The following STX18 variants were observed in gnomAD, a reference collection of about 807,000 sequenced individuals.
STX18 encodes syntaxin-18.
In STX18, 40 loss-of-function variants were observed where a neutral mutation model predicts 50.1. The ratio of observed to expected loss-of-function variants is 0.80; its 90% CI spans 0.62 to 1.04. The LOEUF (loss-of-function observed/expected upper bound fraction) is 1.04. STX18 is among the 50% of genes least tolerant of loss of function. STX18 has a pLI of 0.00. For missense variants in STX18, 410 were observed against 415.8 expected (o/e 0.99, Z 0.12); for synonymous variants, 158 against 151.8 (o/e 1.04, Z -0.30).
At chr4:4,481,860 C>T (rs1323016188) in intron 1 of STX18, among the ~76,000 whole-genome samples, 1 of 152,230 alleles carries the variant, frequency 6.6e-6, no homozygotes, top group Non-Finnish European at 1.5e-5. Context: ...CTCAGGACCA[C>T]AGCAGCGAGT....
chr4:4,470,786 T>C (rs1245489227), intron 2 of STX18, among the ~76,000 whole-genome samples: 1 of 152,120 alleles, frequency 6.6e-6, no homozygotes, highest in African/African-American at 2.4e-5. Context: ...TAAGGAAGGC[T>C]GGCATGGCTG....
intron 5 of STX18, among the ~76,000 whole-genome samples, chr4:4,449,431 G>C (rs867926249): frequency 3.9e-5 from 6 of 152,056 alleles, no homozygotes; most frequent in Admixed American, 2.0e-4. Flanking sequence ...CTCCTAACTA[G>C]TACTTCTCTT....
At chr4:4,432,071 T>G (rs1045705466) in intron 7 of STX18, among the ~76,000 whole-genome samples, 1 of 152,224 alleles carries the variant, frequency 6.6e-6, no homozygotes, top group Non-Finnish European at 1.5e-5. Context: ...TTAAGGTGTT[T>G]GAGTCATTTT....
intron 1 of STX18, among the ~76,000 whole-genome samples, chr4:4,475,766 T>C (rs183217170): frequency 6.6e-6 from 1 of 152,298 alleles, no homozygotes; most frequent in East Asian, 1.9e-4. Flanking sequence ...AGAGGTTAAG[T>C]AGTTGTATGC....
chr4:4,502,573 G>C (rs1249241148), intron 1 of STX18, among the ~76,000 whole-genome samples: 1 of 151,884 alleles, frequency 6.6e-6, no homozygotes, highest in Non-Finnish European at 1.5e-5. Context: ...TTCATTATCA[G>C]TGAAAAAAAA....
intron 1 of STX18, among the ~76,000 whole-genome samples, chr4:4,534,003 A>G (rs1220745435): frequency 6.6e-6 from 1 of 152,226 alleles, no homozygotes; most frequent in Non-Finnish European, 1.5e-5. Flanking sequence ...CACACGGGCC[A>G]TCCTAAGTTT....
chr4:4,529,128 C>T (rs184591761), intron 1 of STX18, among the ~76,000 whole-genome samples: 1 of 152,150 alleles, frequency 6.6e-6, no homozygotes, highest in Non-Finnish European at 1.5e-5. Flanking sequence ...CTTTCGGAGG[C>T]TGAGACGGGC....
chr4:4,425,046 G>A (rs1209247635), intron 8 of STX18, 118 bp downstream of exon 8: 4 of 891,328 alleles, frequency 4.5e-6, no homozygotes, highest in Non-Finnish European at 7.3e-6. Context: ...TGGCTGAGGG[G>A]GGCTGCACCA....
At chr4:4,539,101 C>T (rs2108935211) in intron 1 of STX18, among the ~76,000 whole-genome samples, 1 of 152,234 alleles carries the variant, frequency 6.6e-6, no homozygotes, top group East Asian at 1.9e-4. Flanking sequence ...TTTTATTCAA[C>T]TTAATATAAC....
At chr4:4,465,228 A>C (rs1727563681) in intron 2 of STX18, among the ~76,000 whole-genome samples, 1 of 152,312 alleles carries the variant, frequency 6.6e-6, no homozygotes, top group East Asian at 1.9e-4. Context: ...CATTTGACCC[A>C]GCAATCCCAT....
intron 1 of STX18, among the ~76,000 whole-genome samples, chr4:4,516,137 A>G (rs1422061128): frequency 6.6e-6 from 1 of 152,238 alleles, no homozygotes; most frequent in Non-Finnish European, 1.5e-5. Context: ...GTCTGCTCCA[A>G]GTTTGAAAAG....
At chr4:4,429,198 C>G (rs998381327) in intron 7 of STX18, among the ~76,000 whole-genome samples, 18 of 152,264 alleles carry the variant, frequency 1.2e-4, no homozygotes, top group African/African-American at 4.3e-4. Context: ...TGAACATATG[C>G]TGAAGGGCTC....
At chr4:4,463,854 A>C (rs1727498301) in intron 2 of STX18, among the ~76,000 whole-genome samples, 1 of 152,360 alleles carries the variant, frequency 6.6e-6, no homozygotes, top group Non-Finnish European at 1.5e-5. Context: ...TAATTATTTT[A>C]GTATATTCCA....
intron 1 of STX18, among the ~76,000 whole-genome samples, chr4:4,495,284 G>C (rs10516164): frequency 0.17 from 26,588 of 152,184 alleles, 2,569 homozygotes; most frequent in South Asian, 0.3. Context: ...CAAATGTCTA[G>C]TGAAGGATTT....
At chr4:4,424,981 A>C (rs1163220411) in intron 8 of STX18, among the ~76,000 whole-genome samples, 183 bp downstream of exon 8, 2 of 152,214 alleles carry the variant, frequency 1.3e-5, no homozygotes, top group Non-Finnish European at 2.9e-5. Flanking sequence ...CCACAGGCCC[A>C]CAAGCTGAGG....
rs1724775180 is a variant in STX18 at position 4,419,157 on chromosome 4, A to G, written c.*877T>C. 6.6e-6 allele frequency: 1 copy of G among 152,260 alleles called. No homozygotes were observed. The highest frequency in any genetic ancestry group is 2.4e-5 in the African/African-American group (1 of 41,456). The allele number at this position is 152,260 out of a possible 1,614,324, so 9.4% of individuals were successfully genotyped here. Reference sequence around the variant, plus strand: ...GTGGGCGCTGGGATGCTTCCTGTACAGATGTCTCATGCCTTCAGTTACACA... The same window carrying G: ...GTGGGCGCTGGGATGCTTCCTGTACGGATGTCTCATGCCTTCAGTTACACA... On this transcript the variant is annotated 3_prime_UTR_variant, in exon 11 of 11. Coordinates refer to ENST00000306200, the MANE Select transcript of STX18 (RefSeq NM_016930.4).
intron 1 of STX18, among the ~76,000 whole-genome samples, chr4:4,530,845 G>A (rs181431000): frequency 7.7e-4 from 117 of 151,944 alleles, no homozygotes; most frequent in Non-Finnish European, 1.4e-3. Flanking sequence ...AAGCTCAAGC[G>A]ATCCACCCAC....
intron 1 of STX18, among the ~76,000 whole-genome samples, chr4:4,538,167 C>G (rs1170796626): frequency 6.6e-6 from 1 of 151,332 alleles, no homozygotes; most frequent in Non-Finnish European, 1.5e-5. Context: ...TCTACTGTTA[C>G]TATATGTCAA....
intron 1 of STX18, among the ~76,000 whole-genome samples, chr4:4,503,345 C>A (rs1229550255): frequency 6.6e-6 from 1 of 152,086 alleles, no homozygotes; most frequent in Non-Finnish European, 1.5e-5. Flanking sequence ...AAAAACTAAA[C>A]CTATGCATCA....
Sources: gnomAD v4.1 joint callset for allele counts (sites outside exome capture counted in the v4.1 genomes callset) on GRCh38, gnomAD v4.1.1 for gene constraint, MANE v1.5 for transcripts, NCBI Gene and HGNC (gene_info 2026-07-23, HGNC 2026-07-21) for gene names.